Variants in C7orf57 observed in about 807,000 individuals in gnomAD.
The protein encoded by C7orf57 is chromosome 7 open reading frame 57.
A neutral mutation model predicts 39.0 loss-of-function variants in C7orf57; 33 were observed. The ratio of observed to expected loss-of-function variants is 0.85; its 90% CI spans 0.64 to 1.13. The LOEUF (loss-of-function observed/expected upper bound fraction) is 1.13, where lower values mean the gene tolerates loss of function less well. Ranked by LOEUF, C7orf57 falls within the 50% of genes most tolerant of loss-of-function variation. C7orf57 has a pLI of 0.00. For synonymous variants in C7orf57, 124 were observed against 137.1 expected (o/e 0.90, Z 0.67); for missense variants, 346 against 362.3 (o/e 0.95, Z 0.37).
intron 2 of C7orf57, among the ~76,000 whole-genome samples, chr7:48,039,245 C>T (rs948184939): frequency 1.2e-4 from 18 of 152,162 alleles, no homozygotes; most frequent in Non-Finnish European, 1.2e-4. Context: ...CAATTTCTTT[C>T]AGGACCTGCT....
intron 3 of C7orf57, among the ~76,000 whole-genome samples, chr7:48,042,963 C>G (rs1311322479): frequency 1.3e-5 from 2 of 152,106 alleles, no homozygotes; most frequent in East Asian, 3.9e-4. Context: ...CTCCCAGGTA[C>G]CTTTCAGGGG....
chr7:48,051,867 CTTTCTCTTTCTCT>C (rs1562630372), intron 6 of C7orf57, among the ~76,000 whole-genome samples: 16 of 64,396 alleles, frequency 2.5e-4, no homozygotes, highest in African/African-American at 3.2e-4. Flanking sequence ...TTCTTTCTTT[CTTTCTCTTTCTCT>C]TTCTTTCTTT....
At position 48,049,975 on chromosome 7, in the gene C7orf57, C is replaced by A. The variant is rs752606526; in HGVS notation, c.603C>A (p.Pro201=). 3 of 1,591,316 alleles carry A rather than the reference C, an allele frequency of 1.9e-6. No individual in the cohort carries two copies. The highest frequency in any genetic ancestry group is 1.3e-5 in the African/African-American group (1 of 74,672). Residue 201 remains proline, a splice_region_variant and synonymous_variant, in exon 6 of 9, where the codon CCC becomes CCA. Coordinates refer to ENST00000348904, the MANE Select transcript of C7orf57 (RefSeq NM_001100159.3). ...NPAGSRLSFP[P]VPGQKNSSPT... ...CAGGAAGTAGACTCTCCTTCCCCCC[C>A]GTGTAAGTGCTTGAGCTACGCCCTC...
chr7:48,051,807 CTT>C (rs1790919002), intron 6 of C7orf57, among the ~76,000 whole-genome samples: 80 of 65,680 alleles, frequency 1.2e-3, no homozygotes, highest in Admixed American at 2.0e-3. Context: ...TCCTTCCTTC[CTT>C]TTCTCTTCTC....
intron 2 of C7orf57, among the ~76,000 whole-genome samples, 193 bp from the exon 3 acceptor site, chr7:48,041,141 G>C (rs1464241144): frequency 6.6e-6 from 1 of 152,148 alleles, no homozygotes; most frequent in African/African-American, 2.4e-5. Context: ...GGGCAGTAGA[G>C]ACTGGATTGC....
rs771642766 is a variant in C7orf57, at chr7:48,058,712, C to T, written c.842-1514C>T. On this transcript the variant is annotated intron_variant, in intron 8 of 8. Coordinates refer to ENST00000348904, the MANE Select transcript of C7orf57 (RefSeq NM_001100159.3). Reference sequence around the variant, plus strand: ...GGGCTTAGATTATTCTTTAGGACCTCAAGTTGAAAATACAAATACAGCAGG... The same window carrying T: ...GGGCTTAGATTATTCTTTAGGACCTTAAGTTGAAAATACAAATACAGCAGG... 1.1e-4 allele frequency among the ~76,000 whole-genome samples: 17 copies of T among 152,072 alleles called. 1 individual carries two copies. Among genetic ancestry groups the T allele is most frequent in the Non-Finnish European group, 2.1e-4 (14 of 68,018 alleles).
intron 2 of C7orf57, among the ~76,000 whole-genome samples, chr7:48,040,519 C>T (rs1239249863): frequency 6.6e-6 from 1 of 152,176 alleles, no homozygotes; most frequent in African/African-American, 2.4e-5. Flanking sequence ...GACCTCTGGC[C>T]ACCTTTCACA....
At chr7:48,040,923 T>C (rs930448190) in intron 2 of C7orf57, among the ~76,000 whole-genome samples, 3 of 152,232 alleles carry the variant, frequency 2.0e-5, no homozygotes, top group Non-Finnish European at 4.4e-5. Flanking sequence ...GGCTTACCCA[T>C]AACGTTTTAA....
rs758581366 is a variant in C7orf57 at position 48,041,290 on chromosome 7, C to T, written c.56-44C>T. The T allele has an allele frequency of 9.0e-6, 14 of 1,556,204 alleles. No individual in the cohort carries two copies. In the East Asian group the frequency reaches 1.6e-4, roughly 18 times the overall value. On this transcript the variant is annotated intron_variant, in intron 2 of 8. Coordinates refer to ENST00000348904, the MANE Select transcript of C7orf57 (RefSeq NM_001100159.3). ...TCTGGTAGAGGCCTAGAGGCCACCCCGACACACAGCAACAGTGTGGCCCTC... is the reference window on the plus strand; with the variant it reads ...TCTGGTAGAGGCCTAGAGGCCACCCTGACACACAGCAACAGTGTGGCCCTC...
At chr7:48,053,170 C>A in intron 7 of C7orf57, 1 of 604,684 alleles carries the variant, frequency 1.7e-6, no homozygotes, top group Non-Finnish European at 3.0e-6. Flanking sequence ...TTTTATTTGT[C>A]AAAAATTTTG....
At chr7:48,050,009 G>C in intron 6 of C7orf57, 32 bp downstream of exon 6, 1 of 1,496,010 alleles carries the variant, frequency 6.7e-7, no homozygotes, top group Non-Finnish European at 9.3e-7. Context: ...TCACTGTCTG[G>C]ACTGGGTTTG....
At chr7:48,044,810 T>C (rs537800525) in intron 4 of C7orf57, among the ~76,000 whole-genome samples, 8 of 152,372 alleles carry the variant, frequency 5.3e-5, no homozygotes, top group South Asian at 4.1e-4. Context: ...AAATTTCTAT[T>C]TGTGGACATG....
Position 48,036,298 on chromosome 7 carries a change from A to G in C7orf57, c.-11A>G, listed in dbSNP as rs920425483. 5.1e-6 allele frequency: 8 copies of G among 1,579,396 alleles called. No individual in the cohort carries two copies. Among genetic ancestry groups the G allele is most frequent in the Non-Finnish European group, 6.0e-6 (7 of 1,163,030 alleles). Reference sequence around the variant, plus strand: ...GCATCTGTCTTTTCCCGCAGCGTGCAGCGCCTGACCATGAGGAACACAAGC... The same window carrying G: ...GCATCTGTCTTTTCCCGCAGCGTGCGGCGCCTGACCATGAGGAACACAAGC... On this transcript the variant is annotated 5_prime_UTR_variant, in exon 2 of 9. Coordinates refer to ENST00000348904, the MANE Select transcript of C7orf57 (RefSeq NM_001100159.3).
At chr7:48,045,767 G>T (rs145913844) in intron 4 of C7orf57, among the ~76,000 whole-genome samples, 1 of 152,094 alleles carries the variant, frequency 6.6e-6, no homozygotes, top group African/African-American at 2.4e-5. Flanking sequence ...TGTACAGATG[G>T]TACCTTCAGG....
intron 2 of C7orf57, among the ~76,000 whole-genome samples, chr7:48,037,974 A>C (rs2083793820): frequency 6.6e-6 from 1 of 152,158 alleles, no homozygotes; most frequent in African/African-American, 2.4e-5. Flanking sequence ...AGAGCGGAAA[A>C]ATAATGCAAC....
At chr7:48,036,093 G>T in intron 1 of C7orf57, 115 bp from the exon 2 acceptor site, 1 of 627,128 alleles carries the variant, frequency 1.6e-6, no homozygotes. Flanking sequence ...CATGCCCCCT[G>T]CTGTATACCC....
At chr7:48,057,353 A>C (rs1044008232) in intron 8 of C7orf57, among the ~76,000 whole-genome samples, 1 of 152,038 alleles carries the variant, frequency 6.6e-6, no homozygotes, top group Admixed American at 6.5e-5. Flanking sequence ...TCCTTGGCTA[A>C]ATTTACTCCC....
At chr7:48,058,191 G>C (rs539144927) in intron 8 of C7orf57, among the ~76,000 whole-genome samples, 1 of 152,202 alleles carries the variant, frequency 6.6e-6, no homozygotes. Context: ...TTTGGTATCA[G>C]GGTAATGCTG....
At chr7:48,051,996 CAG>C (rs1263921535) in intron 6 of C7orf57, among the ~76,000 whole-genome samples, 2 of 135,640 alleles carry the variant, frequency 1.5e-5, no homozygotes, top group African/African-American at 5.5e-5. Context: ...TTTTTTGAGA[CAG>C]AGTCTCGCTC....
Sources: allele counts gnomAD v4.1 joint callset (sites outside exome capture counted in the v4.1 genomes callset), GRCh38; gene constraint gnomAD v4.1.1; transcripts MANE v1.5; gene names NCBI Gene and HGNC (gene_info 2026-07-23, HGNC 2026-07-21).